The following NPL variants were observed in gnomAD, a reference collection of about 807,000 sequenced individuals.
The protein encoded by NPL is N-acetylneuraminate pyruvate lyase.
A neutral mutation model predicts 41.1 loss-of-function variants in NPL; 32 were observed. That is an observed-to-expected ratio of 0.78 (90% confidence interval 0.59 to 1.05). The LOEUF is 1.05. Ranked by LOEUF, NPL falls within the 50% of genes least tolerant of loss-of-function variation. The probability of loss-of-function intolerance (pLI) is 0.00; values close to 1 mark genes in which losing one functional copy is unlikely to be tolerated. For synonymous variants in NPL, 128 were observed against 134.9 expected, an observed-to-expected ratio of 0.95 and a Z score of 0.35; for missense variants, 321 against 378.4, an observed-to-expected ratio of 0.85 and a Z score of 1.26.
chr1:182,820,107 A>G (rs1212575676), intron 10 of NPL, among the ~76,000 whole-genome samples: 1 of 152,228 alleles, frequency 6.6e-6, no homozygotes, highest in Non-Finnish European at 1.5e-5. Flanking sequence ...ATGGCCAGTC[A>G]TGGCTGCCCA....
At chr1:182,805,162 G>A (rs1295863629) in intron 4 of NPL, among the ~76,000 whole-genome samples, 1 of 152,150 alleles carries the variant, frequency 6.6e-6, no homozygotes, top group Non-Finnish European at 1.5e-5. Flanking sequence ...GGGTGTGGTG[G>A]CTCACACCAG....
At chr1:182,800,238 C>A (rs952823555) in intron 3 of NPL, among the ~76,000 whole-genome samples, 1 of 151,872 alleles carries the variant, frequency 6.6e-6, no homozygotes, top group Admixed American at 6.6e-5. Flanking sequence ...GAGTTCGAGA[C>A]CAGCCTGGGC....
intron 1 of NPL, among the ~76,000 whole-genome samples, chr1:182,790,745 G>A (rs1467299076): frequency 3.3e-5 from 5 of 152,102 alleles, no homozygotes; most frequent in Non-Finnish European, 5.9e-5. Flanking sequence ...CCAGGTTCAC[G>A]CCATTCTCCT....
At position 182,828,950 on chromosome 1, in the gene NPL, C is replaced by G; in HGVS notation, c.*42C>G. 1 of 1,612,580 alleles carries G rather than the reference C, an allele frequency of 6.2e-7. No homozygotes were observed. The highest frequency in any genetic ancestry group is 8.5e-7 in the Non-Finnish European group (1 of 1,179,980). ...CAGGGTTTGCACCTTGAGACATAAT[C>G]TACCTTAAATAGTGCATTTTTTTCT... On this transcript the variant is annotated 3_prime_UTR_variant, in exon 13 of 13. Transcript: ENST00000367553. This position sits in a 1 kb window ranked among gnomAD's most constrained non-coding sequence, Gnocchi z 4.0.
At chr1:182,812,110 A>G in intron 5 of NPL, 46 bp from the exon 6 acceptor site, 1 of 1,601,672 alleles carries the variant, frequency 6.2e-7, no homozygotes, top group African/African-American at 1.3e-5. Flanking sequence ...GCCCTTCTGC[A>G]TGCCTCTAAA....
At chr1:182,799,155 C>T (rs765702853) in intron 3 of NPL, among the ~76,000 whole-genome samples, 4 of 152,144 alleles carry the variant, frequency 2.6e-5, no homozygotes, top group Non-Finnish European at 4.4e-5. Context: ...ACCCTTTTAC[C>T]GTAAGAGAAG....
chr1:182,826,249 A>G (rs1667627630), intron 12 of NPL: 1 of 205,422 alleles, frequency 4.9e-6, no homozygotes, highest in African/African-American at 2.3e-5. Flanking sequence ...AACACAAGTA[A>G]GCCTAAATGG....
Position 182,828,815 on chromosome 1 carries a change from G to A in NPL, c.870G>A (p.Arg290=), listed in dbSNP as rs372962675. 1.7e-4 allele frequency: 273 copies of A among 1,614,062 alleles called. 1 individual carries two copies. The highest frequency in any genetic ancestry group is 2.3e-4 in the Non-Finnish European group (267 of 1,180,046). ...PPRLPLQKAS[R]EFTDSAEAKL... is the part of the protein sequence containing the mutation. ...GGCTTCCACTGCAGAAAGCCTCCAG[G>A]GAGTTTACTGATAGTGCTGAAGCTA... The change falls in exon 13 of 13, where the codon AGG becomes AGA. Residue 290 remains arginine (R), a synonymous_variant. Coordinates refer to ENST00000367553, the MANE Select transcript of NPL (RefSeq NM_030769.3). This position sits in a 1 kb window ranked among gnomAD's most constrained non-coding sequence, Gnocchi z 4.0.
In NPL at chr1:182,828,198, C is replaced by A. The variant is rs566663302; in HGVS notation, c.779-526C>A. Among the ~76,000 whole-genome samples the A allele has an allele frequency of 1.8e-4, 28 of 152,238 alleles. 1 individual carries two copies. In the South Asian group the frequency reaches 5.8e-3, roughly 32 times the overall value. ...TTCCAGCTTCTCACCATGCATAGAT[C>A]TAAGGCTTCATTTTCCATTCCCATC... On this transcript the variant is annotated intron_variant, in intron 12 of 12. Coordinates refer to ENST00000367553, the MANE Select transcript of NPL (RefSeq NM_030769.3). This position sits in a 1 kb window ranked among gnomAD's most constrained non-coding sequence, Gnocchi z 4.0.
At chr1:182,794,748 T>G (rs1451994915) in intron 3 of NPL, among the ~76,000 whole-genome samples, 1 of 152,226 alleles carries the variant, frequency 6.6e-6, no homozygotes, top group East Asian at 1.9e-4. Flanking sequence ...CACCACAGCC[T>G]TGGCCTTTCT....
chr1:182,796,863 C>T (rs965030909), intron 3 of NPL, among the ~76,000 whole-genome samples: 2 of 151,978 alleles, frequency 1.3e-5, no homozygotes, highest in Non-Finnish European at 2.9e-5. Flanking sequence ...GGTGAAACCG[C>T]CTCTCTACTA....
At chr1:182,824,514 A>G (rs562490596) in intron 11 of NPL, among the ~76,000 whole-genome samples, 1 of 152,184 alleles carries the variant, frequency 6.6e-6, no homozygotes, top group East Asian at 1.9e-4. Context: ...ATGAGGTTCT[A>G]AGGCCGGGCA....
chr1:182,822,662 G>C (rs559496074), intron 11 of NPL, among the ~76,000 whole-genome samples: 2 of 152,154 alleles, frequency 1.3e-5, no homozygotes, highest in Non-Finnish European at 2.9e-5. Flanking sequence ...TGAGAACTAG[G>C]AACATCCACC....
intron 3 of NPL, chr1:182,795,600 C>T (rs558209015): frequency 4.6e-5 from 7 of 152,308 alleles, no homozygotes; most frequent in Non-Finnish European, 2.9e-5. Flanking sequence ...GAGTCCAAGA[C>T]TTCTGGCTTC....
chr1:182,811,926 CA>C (rs1489808981), intron 5 of NPL, among the ~76,000 whole-genome samples: 1 of 152,148 alleles, frequency 6.6e-6, no homozygotes, highest in Non-Finnish European at 1.5e-5. Context: ...TAGGCACAGT[CA>C]AATCACAACC....
intron 3 of NPL, among the ~76,000 whole-genome samples, chr1:182,799,065 A>G (rs1666758292): frequency 6.6e-6 from 1 of 152,248 alleles, no homozygotes; most frequent in African/African-American, 2.4e-5. Context: ...AAAGTCTTTC[A>G]TGGTGGTTCG....
intron 2 of NPL, among the ~76,000 whole-genome samples, chr1:182,793,029 C>T (rs1666559565): frequency 6.6e-6 from 1 of 152,152 alleles, no homozygotes; most frequent in Non-Finnish European, 1.5e-5. Flanking sequence ...TAGCATAACC[C>T]TTCTTGTTGG....
chr1:182,810,350 A>G (rs1346235070), intron 5 of NPL, among the ~76,000 whole-genome samples: 1 of 152,236 alleles, frequency 6.6e-6, no homozygotes, highest in Non-Finnish European at 1.5e-5. Flanking sequence ...TTTGCAAAAT[A>G]GGAAATTGCT....
At chr1:182,797,579 C>T (rs1443931371) in intron 3 of NPL, among the ~76,000 whole-genome samples, 1 of 152,178 alleles carries the variant, frequency 6.6e-6, no homozygotes, top group East Asian at 1.9e-4. Context: ...CTTTCCTCTG[C>T]CTTTTTCTAC....
Sources: gnomAD v4.1 joint callset for allele counts (sites outside exome capture counted in the v4.1 genomes callset) on GRCh38, gnomAD v4.1.1 for gene constraint, Gnocchi (gnomAD v3.1) non-coding constraint, MANE v1.5 for transcripts, NCBI Gene and HGNC (gene_info 2026-07-23, HGNC 2026-07-21) for gene names.